The following RBFOX1 variants were observed in gnomAD, a reference collection of about 807,000 sequenced individuals.
The protein encoded by RBFOX1 is RNA binding protein fox-1 homolog 1.
Under a neutral mutation model 57.7 loss-of-function variants are expected in RBFOX1, and 8 were observed. The observed-to-expected ratio is 0.14, with a 90% CI of 0.08 to 0.25. The LOEUF (loss-of-function observed/expected upper bound fraction) is 0.25, where lower values mean the gene tolerates loss of function less well. Ranked by LOEUF, RBFOX1 falls within the 10% of genes least tolerant of loss-of-function variation. The pLI, the probability that RBFOX1 is intolerant of heterozygous loss-of-function variation, is 1.00. For synonymous variants in RBFOX1, 326 were observed against 222.4 expected (o/e 1.47, Z -4.15); for missense variants, 611 against 548.5 (o/e 1.11, Z -1.14).
chr16:6,864,002 T>TG lies in RBFOX1; in HGVS notation c.-15-188055_-15-188054insG, dbSNP rs200523442. On this transcript the variant is annotated intron_variant, in intron 3 of 15. Coordinates refer to ENST00000550418, the MANE Select transcript of RBFOX1 (RefSeq NM_018723.4). Reference sequence around the variant, plus strand: ...GTCTTTATGTTCCTTTTTTTTTTTTTTTGTTGAGATTATGCCTTGCAAAAC... The same window carrying TG: ...GTCTTTATGTTCCTTTTTTTTTTTTTGTTGTTGAGATTATGCCTTGCAAAAC... Among the ~76,000 whole-genome samples, 159 of 151,172 alleles carry TG rather than the reference T, an allele frequency of 1.1e-3. 1 individual carries two copies. Among genetic ancestry groups the TG allele is most frequent in the East Asian group, 2.1e-3 (11 of 5,132 alleles).
intron 4 of RBFOX1, among the ~76,000 whole-genome samples, chr16:7,197,135 A>G (rs527740315): frequency 5.3e-5 from 8 of 152,226 alleles, no homozygotes; most frequent in South Asian, 2.1e-4. Context: ...CCCATCTCCA[A>G]TCTGTCCTTC....
At chr16:5,969,859 T>C (rs2152297800) in intron 4 of RBFOX1, among the ~76,000 whole-genome samples, 1 of 152,168 alleles carries the variant, frequency 6.6e-6, no homozygotes, top group Middle Eastern at 3.4e-3. Context: ...GTGTGGATGG[T>C]CCTCCAAGCA....
intron 1 of RBFOX1, among the ~76,000 whole-genome samples, chr16:6,142,715 T>C (rs1230670022): frequency 2.0e-5 from 3 of 152,322 alleles, no homozygotes; most frequent in Middle Eastern, 3.4e-3. Context: ...TTCTCTAATC[T>C]CTGGCTTCAT....
intron 1 of RBFOX1, among the ~76,000 whole-genome samples, chr16:5,452,784 C>T (rs1302218051): frequency 6.6e-6 from 1 of 152,074 alleles, no homozygotes; most frequent in Non-Finnish European, 1.5e-5. Context: ...GCTTGGATTA[C>T]AGGCGTGCAC....
At chr16:6,687,320 A>T (rs1054575471) in intron 3 of RBFOX1, among the ~76,000 whole-genome samples, 1 of 152,148 alleles carries the variant, frequency 6.6e-6, no homozygotes, top group Admixed American at 6.6e-5. Context: ...GGGGTAATAA[A>T]CTGCATATTA....
chr16:7,465,390 G>C (rs2060328630), intron 4 of RBFOX1, among the ~76,000 whole-genome samples: 2 of 152,196 alleles, frequency 1.3e-5, no homozygotes, highest in South Asian at 2.1e-4. Flanking sequence ...ATTTGTTCTT[G>C]TGTCTCAGTG....
chr16:6,278,583 C>G (rs947138254), intron 1 of RBFOX1, among the ~76,000 whole-genome samples: 3 of 151,816 alleles, frequency 2.0e-5, no homozygotes, highest in African/African-American at 7.3e-5. Flanking sequence ...CTCTTTTGAG[C>G]TTTTTCGTAG....
intron 3 of RBFOX1, among the ~76,000 whole-genome samples, chr16:6,870,001 T>G (rs1048967507): frequency 1.3e-5 from 2 of 152,166 alleles, no homozygotes; most frequent in Non-Finnish European, 2.9e-5. Flanking sequence ...ATTTTCTACG[T>G]TGATGCTGTG....
At chr16:7,635,004 G>C (rs1259474271) in intron 11 of RBFOX1, among the ~76,000 whole-genome samples, 1 of 152,166 alleles carries the variant, frequency 6.6e-6, no homozygotes, top group East Asian at 1.9e-4. Context: ...AGGGCTGCTT[G>C]GTATGTGGAC....
intron 4 of RBFOX1, among the ~76,000 whole-genome samples, chr16:7,448,932 T>TTTTTC (rs1375089256): frequency 7.1e-6 from 1 of 139,926 alleles, no homozygotes; most frequent in East Asian, 2.1e-4. Flanking sequence ...CCCCTGTTTT[T>TTTTTC]TTTTTTTTTT....
chr16:7,099,514 C>G (rs1277706005), intron 4 of RBFOX1, among the ~76,000 whole-genome samples: 3 of 152,078 alleles, frequency 2.0e-5, no homozygotes, highest in African/African-American at 4.8e-5. Flanking sequence ...ACTTATAAAC[C>G]AACAAGTATC....
chr16:6,637,563 A>AG (rs758788230), intron 2 of RBFOX1, among the ~76,000 whole-genome samples: 113,695 of 130,418 alleles, frequency 0.87, 52,605 homozygotes, highest in Non-Finnish European at 0.99. Context: ...TATATATAAT[A>AG]TTCTATATAG....
At chr16:7,334,737 T>C (rs1568265523) in intron 4 of RBFOX1, among the ~76,000 whole-genome samples, 1 of 152,200 alleles carries the variant, frequency 6.6e-6, no homozygotes, top group African/African-American at 2.4e-5. Flanking sequence ...ACCCCAGTGA[T>C]AGATGAGAAG....
At chr16:6,175,088 G>C (rs916447584) in intron 1 of RBFOX1, among the ~76,000 whole-genome samples, 2 of 152,198 alleles carry the variant, frequency 1.3e-5, no homozygotes, top group African/African-American at 4.8e-5. Flanking sequence ...AGTTATCACA[G>C]TGTAAGCACT....
intron 3 of RBFOX1, among the ~76,000 whole-genome samples, chr16:6,917,096 C>T (rs1411404929): frequency 1.3e-5 from 2 of 152,214 alleles, no homozygotes; most frequent in Non-Finnish European, 2.9e-5. Flanking sequence ...GGTTATCCAC[C>T]TGCCTTGGCC....
chr16:7,346,420 G>A (rs2097008165), intron 4 of RBFOX1, among the ~76,000 whole-genome samples: 1 of 152,060 alleles, frequency 6.6e-6, no homozygotes, highest in Admixed American at 6.6e-5. Flanking sequence ...ATTTTGTACA[G>A]TTCCTTCCTG....
intron 3 of RBFOX1, among the ~76,000 whole-genome samples, chr16:6,793,503 A>C (rs140717775): frequency 2.6e-5 from 4 of 152,152 alleles, no homozygotes; most frequent in Admixed American, 1.3e-4. Context: ...GTGTTTTGAC[A>C]TTTTGGCCAT....
chr16:6,183,064 A>T (rs1023263196), intron 1 of RBFOX1, among the ~76,000 whole-genome samples: 1 of 152,200 alleles, frequency 6.6e-6, no homozygotes, highest in African/African-American at 2.4e-5. Context: ...TAGAAACTAA[A>T]TATATAGCAT....
At chr16:6,223,005 C>T (rs2097386825) in intron 1 of RBFOX1, among the ~76,000 whole-genome samples, 1 of 150,120 alleles carries the variant, frequency 6.7e-6, no homozygotes, top group Admixed American at 6.7e-5. Flanking sequence ...CCAATTTCAT[C>T]CATGTCCCTA....
Sources: allele counts gnomAD v4.1 joint callset (sites outside exome capture counted in the v4.1 genomes callset), GRCh38; gene constraint gnomAD v4.1.1; transcripts MANE v1.5; gene names NCBI Gene and HGNC (gene_info 2026-07-23, HGNC 2026-07-21).